Variants in FAM13B observed in about 807,000 individuals in gnomAD.
FAM13B encodes protein FAM13B.
A neutral mutation model predicts 117.3 loss-of-function variants in FAM13B; 60 were observed. That is an observed-to-expected ratio of 0.51 (90% confidence interval 0.42 to 0.63). The LOEUF (loss-of-function observed/expected upper bound fraction) is 0.63, where lower values mean the gene tolerates loss of function less well. Among genes scored for constraint, FAM13B ranks in the 30% least tolerant of loss-of-function variants. FAM13B has a pLI of 0.00. For missense variants in FAM13B, 972 were observed against 1,091.9 expected (o/e 0.89, Z 1.55); for synonymous variants, 332 against 356.1 (o/e 0.93, Z 0.76).
chr5:137,953,889 C>G (rs949170086), intron 15 of FAM13B, among the ~76,000 whole-genome samples: 45 of 152,134 alleles, frequency 3.0e-4, no homozygotes, highest in Admixed American at 2.9e-3. Context: ...ATGAATAATA[C>G]ACCACGAGAA....
At chr5:137,951,209 CAAAAAAAAA>C (rs1158310740) in intron 17 of FAM13B, among the ~76,000 whole-genome samples, 19 of 63,242 alleles carry the variant, frequency 3.0e-4, no homozygotes, top group East Asian at 5.6e-4. Context: ...CTGTCTCAAA[CAAAAAAAAA>C]AAAAAAAAAA....
chr5:137,997,828 G>A (rs1440793803), intron 7 of FAM13B, among the ~76,000 whole-genome samples: 2 of 152,208 alleles, frequency 1.3e-5, no homozygotes, highest in Non-Finnish European at 2.9e-5. Flanking sequence ...GAAAGAGTTA[G>A]AAGTACCTTC....
intron 1 of FAM13B, among the ~76,000 whole-genome samples, chr5:138,023,710 AGGCGTGGGCCACCACACCC>A (rs1455510295): frequency 6.6e-6 from 1 of 152,156 alleles, no homozygotes; most frequent in Non-Finnish European, 1.5e-5. Flanking sequence ...CTAGGACTAC[AGGCGTGGGCCACCACACCC>A]GGCTAATTTT....
intron 7 of FAM13B, among the ~76,000 whole-genome samples, chr5:137,999,218 A>G (rs1780596389): frequency 6.6e-6 from 1 of 151,488 alleles, no homozygotes; most frequent in African/African-American, 2.4e-5. Flanking sequence ...TGCTCAAGCA[A>G]TCCTCCCACC....
chr5:138,018,892 C>CAA, intron 3 of FAM13B, 63 bp downstream of exon 3: 1 of 1,359,156 alleles, frequency 7.4e-7, no homozygotes. Context: ...AATCCAAGGT[C>CAA]AAAAAGGTGT....
intron 7 of FAM13B, among the ~76,000 whole-genome samples, chr5:137,992,000 C>T (rs1053110000): frequency 6.6e-6 from 1 of 152,094 alleles, no homozygotes; most frequent in African/African-American, 2.4e-5. Context: ...AAGCTCACTA[C>T]AGCCTCCACG....
Position 137,954,259 on chromosome 5 carries a change from A to G in FAM13B, c.1625T>C (p.Leu542Ser), listed in dbSNP as rs1420941403. The change falls in exon 15 of 24, where the codon TTA becomes TCA. Residue 542 changes from leucine to serine, a missense_variant. Coordinates refer to ENST00000689681, the MANE Select transcript of FAM13B (RefSeq NM_001385994.1). ...HPLEEDCPPV[L>S]SHRSLDFGQS... Reference sequence around the variant, plus strand: ...ACCAAAATCTAAACTGCGGTGTGATAATACTGGAGGACAGTCCTCTTCCAA... The same window carrying G: ...ACCAAAATCTAAACTGCGGTGTGATGATACTGGAGGACAGTCCTCTTCCAA... 1.2e-6 allele frequency: 2 copies of G among 1,613,980 alleles called. No individual in the cohort carries two copies. Among genetic ancestry groups the G allele is most frequent in the African/African-American group, 1.3e-5 (1 of 74,906 alleles).
At chr5:138,012,054 CA>C in intron 4 of FAM13B, 109 bp from the exon 5 acceptor site, 1 of 694,220 alleles carries the variant, frequency 1.4e-6, no homozygotes, top group Non-Finnish European at 2.3e-6. Context: ...TACAACAATT[CA>C]AAACCTCTTC....
chr5:137,974,127 A>G (rs1251150436), intron 10 of FAM13B, among the ~76,000 whole-genome samples: 3 of 150,308 alleles, frequency 2.0e-5, no homozygotes, highest in African/African-American at 7.3e-5. Flanking sequence ...AGGACTATAA[A>G]TCATGCTGCT....
At chr5:138,023,302 C>T (rs1271820821) in intron 1 of FAM13B, among the ~76,000 whole-genome samples, 2 of 152,106 alleles carry the variant, frequency 1.3e-5, no homozygotes, top group African/African-American at 2.4e-5. Flanking sequence ...AGGATGTTGA[C>T]GGATATAGCA....
chr5:137,953,461 G>A lies in FAM13B; in HGVS notation c.1723C>T (p.Arg575Ter), dbSNP rs756297490. 1.9e-6 allele frequency: 3 copies of A among 1,613,208 alleles called. No homozygotes were observed. Among genetic ancestry groups the A allele is most frequent in the East Asian group, 2.2e-5 (1 of 44,842 alleles). ...SSKALSFTRI[R>*]RSSFSSKDEK... ...TCTTTTGAACTAAAGGATGATCTTC[G>A]AATTCTGAATTAAAACAAAAGGCCA... is the stretch of plus-strand genomic sequence containing the variant. Residue 575 changes from arginine (R) to a stop codon, truncating the protein, a stop_gained, in exon 16 of 24, where the codon CGA (arginine) becomes TGA (stop). Coordinates refer to ENST00000689681, the MANE Select transcript of FAM13B (RefSeq NM_001385994.1). LOFTEE classifies it high-confidence loss of function.
chr5:137,940,635 GA>G (rs1761426531), intron 23 of FAM13B, among the ~76,000 whole-genome samples: 1 of 152,194 alleles, frequency 6.6e-6, no homozygotes, highest in Non-Finnish European at 1.5e-5. Flanking sequence ...TCCAGTGCTA[GA>G]CTCTGCCAGG....
chr5:138,047,565 C>T (rs973572166), intron 1 of FAM13B, among the ~76,000 whole-genome samples: 12 of 151,960 alleles, frequency 7.9e-5, no homozygotes, highest in African/African-American at 2.9e-4. Flanking sequence ...TATGTTACGG[C>T]ACATAACAAA....
intron 1 of FAM13B, 109 bp from the exon 2 acceptor site, chr5:138,021,306 G>T: frequency 1.2e-6 from 1 of 854,198 alleles, no homozygotes; most frequent in Non-Finnish European, 1.6e-6. Flanking sequence ...ATATTGAAAG[G>T]TATTCTTCTG....
chr5:137,948,931 G>T, intron 18 of FAM13B, 24 bp downstream of exon 18: 1 of 1,583,838 alleles, frequency 6.3e-7, no homozygotes, highest in Non-Finnish European at 8.7e-7. Flanking sequence ...GCTAATCTGG[G>T]CAAAAATCAT....
At chr5:137,940,376 TTCTAGAGA>T (rs1761281532) in intron 23 of FAM13B, 28 bp from the exon 24 acceptor site, 3 of 1,530,764 alleles carry the variant, frequency 2.0e-6, no homozygotes, top group Non-Finnish European at 2.7e-6. Flanking sequence ...ATTTGTAATG[TTCTAGAGA>T]TCATTTGGAA....
intron 1 of FAM13B, among the ~76,000 whole-genome samples, chr5:138,038,883 A>T (rs1205363941): frequency 1.3e-5 from 2 of 152,226 alleles, no homozygotes; most frequent in Non-Finnish European, 2.9e-5. Flanking sequence ...TCTGCCCTGG[A>T]AAAGCTTCAT....
At position 138,021,215 on chromosome 5, in the gene FAM13B, T is replaced by C. The variant is rs1430220841; in HGVS notation, c.-202-18A>G. ...CAGTTAATCTACAAGACAAAAACAA[T>C]TATTTCAATTTCCCACATCTTTAAC... On this transcript the variant is annotated intron_variant, in intron 1 of 23. Transcript: ENST00000689681. 2.4e-6 allele frequency: 3 copies of C among 1,230,756 alleles called. No homozygotes were observed. Among genetic ancestry groups the C allele is most frequent in the Non-Finnish European group, 3.0e-6 (3 of 987,254 alleles). The allele number at this position is 1,230,756 out of a possible 1,614,324, so 76.2% of individuals were successfully genotyped here. A position where few individuals can be genotyped will look rare whatever the true frequency, so the allele number is the denominator to read the frequency against.
At chr5:138,051,218 C>A (rs1228947907) in intron 1 of FAM13B, among the ~76,000 whole-genome samples, 1 of 152,046 alleles carries the variant, frequency 6.6e-6, no homozygotes, top group Non-Finnish European at 1.5e-5. Context: ...ACATATTATT[C>A]CTTAGAAATA....
Sources: gnomAD v4.1 joint callset for allele counts (sites outside exome capture counted in the v4.1 genomes callset) on GRCh38, gnomAD v4.1.1 for gene constraint, MANE v1.5 for transcripts, NCBI Gene and HGNC (gene_info 2026-07-23, HGNC 2026-07-21) for gene names.